Variants in CAST observed in about 807,000 individuals in gnomAD.
The protein encoded by CAST is MIR583 host.
A neutral mutation model predicts 119.6 loss-of-function variants in CAST; 76 were observed. The ratio of observed to expected loss-of-function variants is 0.64; its 90% CI spans 0.53 to 0.77. CAST has a LOEUF of 0.77. CAST is among the 30% of genes least tolerant of loss of function. The pLI is 0.00. For missense variants in CAST, 953 were observed against 946.5 expected, an observed-to-expected ratio of 1.01 and a Z score of -0.09; for synonymous variants, 319 against 331.6, an observed-to-expected ratio of 0.96 and a Z score of 0.41.
intron 22 of CAST, among the ~76,000 whole-genome samples, chr5:96,755,571 G>C (rs1299373124): frequency 6.6e-6 from 1 of 152,166 alleles, no homozygotes; most frequent in African/African-American, 2.4e-5. Context: ...AGGCGGATTC[G>C]TGGACAGTTG....
the CAST span, among the ~76,000 whole-genome samples, chr5:96,250,535 A>G: frequency 1.1e-4 from 16 of 152,162 alleles, no homozygotes; most frequent in Non-Finnish European, 2.1e-4. Context: ...TTCTGGACAC[A>G]TTAATGACAA....
At chr5:96,448,884 T>C in the CAST span, among the ~76,000 whole-genome samples, 1 of 152,138 alleles carries the variant, frequency 6.6e-6, no homozygotes, top group African/African-American at 2.4e-5. Context: ...CCTGGATAAA[T>C]TGTGAAGAAA....
chr5:96,534,034 A>G (rs1411887762), intron 1 of CAST, among the ~76,000 whole-genome samples: 1 of 152,178 alleles, frequency 6.6e-6, no homozygotes, highest in Non-Finnish European at 1.5e-5. Context: ...TAAAATATAA[A>G]CTTTCAAGCA....
chr5:96,767,361 T>C, intron 27 of CAST, 77 bp from the exon 28 acceptor site: 2 of 1,187,910 alleles, frequency 1.7e-6, no homozygotes, highest in South Asian at 2.5e-5. Context: ...CATGGGACAA[T>C]AGATTCTCTA....
At chr5:96,565,530 A>G (rs1383458877) in intron 1 of CAST, among the ~76,000 whole-genome samples, 1 of 152,198 alleles carries the variant, frequency 6.6e-6, no homozygotes, top group Admixed American at 6.5e-5. Context: ...CAAATTAGCA[A>G]CTACACATGC....
chr5:95,984,718 C>A, the CAST span, among the ~76,000 whole-genome samples: 5 of 152,116 alleles, frequency 3.3e-5, no homozygotes, highest in African/African-American at 9.7e-5. Context: ...ATGTCCAGCA[C>A]TGGTATGACA....
chr5:96,184,110 G>A, the CAST span, among the ~76,000 whole-genome samples: 3 of 152,120 alleles, frequency 2.0e-5, no homozygotes, highest in Non-Finnish European at 2.9e-5. Flanking sequence ...ATTGTCTTTG[G>A]CCAGGATAGG....
In CAST at chr5:96,618,227, G is replaced by A. The variant is rs567610205; in HGVS notation, c.61-57312G>A. 2.0e-5 allele frequency among the ~76,000 whole-genome samples: 3 copies of A among 152,298 alleles called. No individual in the cohort carries two copies. The East Asian group carries it at 5.8e-4, about 29-fold the overall frequency. The stretch of plus-strand genomic sequence containing the variant: ...TTCTTGAGAGTCCTTTGCCCTCCTG[G>A]GAGATCTATCTGAGCTCTGTGCTTC... On this transcript the variant is annotated intron_variant, in intron 1 of 11. Transcript: ENST00000505143.
the CAST span, among the ~76,000 whole-genome samples, chr5:95,986,669 G>A: frequency 1.3e-5 from 2 of 152,084 alleles, no homozygotes; most frequent in Non-Finnish European, 2.9e-5. Flanking sequence ...GGCTGATATC[G>A]TCTTCTGGAG....
chr5:96,255,296 T>C, the CAST span, among the ~76,000 whole-genome samples: 37 of 152,234 alleles, frequency 2.4e-4, no homozygotes, highest in Admixed American at 2.4e-3. Flanking sequence ...TTAACTGATA[T>C]TTAGGTAAAG....
At chr5:96,255,107 G>A in the CAST span, among the ~76,000 whole-genome samples, 153 of 152,168 alleles carry the variant, frequency 1.0e-3, no homozygotes, top group Middle Eastern at 3.4e-3. Flanking sequence ...ATTCTGGAGC[G>A]GATGGGGGTT....
At chr5:96,762,526 C>T (rs879016980) in intron 25 of CAST, 154 bp downstream of exon 25, 3 of 522,692 alleles carry the variant, frequency 5.7e-6, no homozygotes, top group South Asian at 3.6e-5. Context: ...GATGATTTAG[C>T]GAGATGGCAG....
At chr5:96,707,856 A>G (rs1377749919) in intron 3 of CAST, among the ~76,000 whole-genome samples, 2 of 152,146 alleles carry the variant, frequency 1.3e-5, no homozygotes, top group East Asian at 1.9e-4. Context: ...GGGCCTCCAG[A>G]GTTGCCGGGG....
chr5:96,622,195 C>T (rs1272235474), intron 1 of CAST, among the ~76,000 whole-genome samples: 1 of 151,920 alleles, frequency 6.6e-6, no homozygotes, highest in Admixed American at 6.6e-5. Context: ...GTCTCTATCT[C>T]CTGACCTCAT....
At chr5:96,078,773 A>G in the CAST span, among the ~76,000 whole-genome samples, 1 of 152,334 alleles carries the variant, frequency 6.6e-6, no homozygotes, top group East Asian at 1.9e-4. Context: ...AGATTTAAGA[A>G]TGTATTTCAC....
At chr5:96,443,561 T>G in the CAST span, among the ~76,000 whole-genome samples, 1 of 152,264 alleles carries the variant, frequency 6.6e-6, no homozygotes, top group Non-Finnish European at 1.5e-5. Context: ...GTATATGTTT[T>G]GTAATCACCG....
At chr5:96,587,448 G>T (rs528251402) in intron 1 of CAST, among the ~76,000 whole-genome samples, 4 of 152,280 alleles carry the variant, frequency 2.6e-5, no homozygotes, top group African/African-American at 9.6e-5. Context: ...AGAGAGGACT[G>T]GTATGGTGTT....
chr5:96,351,341 C>A, the CAST span, among the ~76,000 whole-genome samples: 2 of 152,064 alleles, frequency 1.3e-5, no homozygotes, highest in Admixed American at 6.6e-5. Context: ...CGGTGGCATG[C>A]GTGTCCTTTT....
At chr5:96,306,757 T>G in the CAST span, among the ~76,000 whole-genome samples, 1 of 152,258 alleles carries the variant, frequency 6.6e-6, no homozygotes, top group Admixed American at 6.5e-5. Context: ...AATTGTGTGG[T>G]TTTGAGTGAG....
Sources: gnomAD v4.1 joint callset for allele counts (sites outside exome capture counted in the v4.1 genomes callset) on GRCh38, gnomAD v4.1.1 for gene constraint, MANE v1.5 for transcripts, NCBI Gene and HGNC (gene_info 2026-07-23, HGNC 2026-07-21) for gene names.